Variants in ZNF234 observed in about 807,000 individuals in gnomAD.
The protein encoded by ZNF234 is zinc finger protein 234.
ZNF234 carries 4 observed loss-of-function variants against 10.3 expected under a neutral mutation model. The observed-to-expected ratio is 0.39, with a 90% CI of 0.19 to 0.89. ZNF234 has a LOEUF of 0.89. Ranked by LOEUF, ZNF234 falls within the 40% of genes least tolerant of loss-of-function variation. The probability of loss-of-function intolerance (pLI) is 0.38; values close to 1 mark genes in which losing one functional copy is unlikely to be tolerated. For missense variants in ZNF234, 711 were observed against 836.1 expected, an observed-to-expected ratio of 0.85 and a Z score of 1.85; for synonymous variants, 258 against 280.1, an observed-to-expected ratio of 0.92 and a Z score of 0.79.
At chr19:44,147,430 G>A (rs1199938459) in intron 3 of ZNF234, among the ~76,000 whole-genome samples, 1 of 151,634 alleles carries the variant, frequency 6.6e-6, no homozygotes, top group African/African-American at 2.4e-5. Flanking sequence ...TAGAGACAGG[G>A]TCTCACCATG....
At chr19:44,156,153 C>G in intron 5 of ZNF234, 99 bp from the exon 6 acceptor site, 1 of 1,098,960 alleles carries the variant, frequency 9.1e-7, no homozygotes. Flanking sequence ...CAAACTGGAC[C>G]TTCTCTGGAT....
At chr19:44,149,920 C>G (rs975110963) in intron 4 of ZNF234, 1 of 152,346 alleles carries the variant, frequency 6.6e-6, no homozygotes, top group Admixed American at 6.5e-5. Flanking sequence ...GCTGACTATA[C>G]AGAGGACAAA....
At position 44,158,157 on chromosome 19, in the gene ZNF234, T is replaced by C. The variant is rs781656523; in HGVS notation, c.*38T>C. The C allele has an allele frequency of 2.0e-5, 32 of 1,585,652 alleles. No individual in the cohort carries two copies. The highest frequency in any genetic ancestry group is 1.4e-4 in the Admixed American group (8 of 57,154). ...AAACAGAACTCATGTACAACCTGAA[T>C]GCTTGTAATTAGATTTCATAGGAGG... On this transcript the variant is annotated 3_prime_UTR_variant, in exon 6 of 6. Transcript: ENST00000426739.
At position 44,157,762 on chromosome 19, in the gene ZNF234, C is replaced by T; in HGVS notation, c.1746C>T (p.Asn582=). ...ECGKGFKWSL[N]LDMHQRVHTG... ...GAAAGGGCTTCAAGTGGAGCTTGAA[C>T]CTTGACATGCATCAGAGGGTGCACA... Residue 582 remains asparagine (N), a synonymous_variant, in exon 6 of 6, where the codon AAC becomes AAT. Transcript: ENST00000426739. 6.2e-7 allele frequency: 1 copy of T among 1,612,624 alleles called. No homozygotes were observed. Among genetic ancestry groups the T allele is most frequent in the Non-Finnish European group, 8.5e-7 (1 of 1,179,660 alleles).
chr19:44,156,362 G>A lies in ZNF234; in HGVS notation c.346G>A (p.Asp116Asn). ...QIASDLIKYEDSMISISRFPR... is the reference protein window; with the variant it reads ...QIASDLIKYENSMISISRFPR... ...TGCAAGTGATTTAATCAAGTATGAA[G>A]ACTCTATGATAAGTATTTCTCGGTT... The change falls in exon 6 of 6, where the codon GAC becomes AAC. Residue 116 changes from aspartate (D) to asparagine (N), a missense_variant. Physicochemically the swap from Asp to Asn is conservative, Grantham distance 23. Coordinates refer to ENST00000426739, the MANE Select transcript of ZNF234 (RefSeq NM_006630.3). The A allele has an allele frequency of 6.2e-7, 1 of 1,613,304 alleles. No individual in the cohort carries two copies. Among genetic ancestry groups the A allele is most frequent in the Non-Finnish European group, 8.5e-7 (1 of 1,179,656 alleles).
intron 5 of ZNF234, among the ~76,000 whole-genome samples, chr19:44,150,801 T>C (rs1968723972): frequency 1.3e-5 from 2 of 152,074 alleles, no homozygotes; most frequent in Admixed American, 1.3e-4. Context: ...ATCCAGCACT[T>C]TGGGGGCCAA....
At chr19:44,150,579 C>A in intron 5 of ZNF234, 74 bp downstream of exon 5, 1 of 1,288,406 alleles carries the variant, frequency 7.8e-7, no homozygotes. Context: ...GCTCTTGCTG[C>A]CATCGGGTCC....
rs1237076631 is a variant in ZNF234 at position 44,157,388 on chromosome 19, T to A, written c.1372T>A (p.Cys458Ser). 6.2e-7 allele frequency: 1 copy of A among 1,613,852 alleles called. No individual in the cohort carries two copies. The highest frequency in any genetic ancestry group is 1.3e-5 in the African/African-American group (1 of 74,914). The part of the protein sequence containing the change: ...KAHSVQKPFK[C>S]EECGQGFNQS... ...ACATAGTGTACAGAAACCTTTTAAG[T>A]GTGAAGAGTGTGGGCAGGGCTTCAA... The change falls in exon 6 of 6, where the codon TGT becomes AGT. Residue 458 changes from cysteine to serine, a missense_variant. By Grantham distance (112) the Cys-to-Ser change is moderately radical (BLOSUM62 -1). Transcript: ENST00000426739.
Position 44,158,147 on chromosome 19 carries a change from A to G in ZNF234, c.*28A>G, listed in dbSNP as rs1968958298. The stretch of plus-strand genomic sequence containing the variant: ...AAAAAAAAAAAAACAGAACTCATGT[A>G]CAACCTGAATGCTTGTAATTAGATT... On this transcript the variant is annotated 3_prime_UTR_variant, in exon 6 of 6. Transcript: ENST00000426739. The G allele has an allele frequency of 6.3e-7, 1 of 1,584,038 alleles. No individual in the cohort carries two copies. The highest frequency in any genetic ancestry group is 2.2e-5 in the East Asian group (1 of 44,782).
At chr19:44,154,778 C>T (rs957780610) in intron 5 of ZNF234, among the ~76,000 whole-genome samples, 3 of 151,878 alleles carry the variant, frequency 2.0e-5, no homozygotes, top group African/African-American at 7.3e-5. Flanking sequence ...ACTACGGGTG[C>T]GTGCCACCAC....
chr19:44,158,175 A>G lies in ZNF234; in HGVS notation c.*56A>G, dbSNP rs756158021. The G allele has an allele frequency of 1.7e-5, 26 of 1,571,716 alleles. No individual in the cohort carries two copies. Among genetic ancestry groups the G allele is most frequent in the Non-Finnish European group, 2.3e-5 (26 of 1,154,008 alleles). On this transcript the variant is annotated 3_prime_UTR_variant, in exon 6 of 6. Transcript: ENST00000426739. Reference sequence around the variant, plus strand: ...ACCTGAATGCTTGTAATTAGATTTCATAGGAGGGAAAAATTTTCTTTATCA... The same window carrying G: ...ACCTGAATGCTTGTAATTAGATTTCGTAGGAGGGAAAAATTTTCTTTATCA...
Position 44,156,388 on chromosome 19 carries a change from C to T in ZNF234, c.372C>T (p.Phe124=). 1 of 1,613,254 alleles carries T rather than the reference C, an allele frequency of 6.2e-7. No homozygotes were observed. Among genetic ancestry groups the T allele is most frequent in the Non-Finnish European group, 8.5e-7 (1 of 1,179,644 alleles). The change falls in exon 6 of 6, where the codon TTC becomes TTT. Residue 124 remains phenylalanine (F), a synonymous_variant. Coordinates refer to ENST00000426739, the MANE Select transcript of ZNF234 (RefSeq NM_006630.3). ...ACTCTATGATAAGTATTTCTCGGTTCCCCAGACAAGGTGATTTGTCCTGCC... is the reference window on the plus strand; with the variant it reads ...ACTCTATGATAAGTATTTCTCGGTTTCCCAGACAAGGTGATTTGTCCTGCC... ...YEDSMISISR[F]PRQGDLSCQV...
At chr19:44,153,851 A>G (rs116378809) in intron 5 of ZNF234, among the ~76,000 whole-genome samples, 2 of 152,362 alleles carry the variant, frequency 1.3e-5, no homozygotes, top group African/African-American at 4.8e-5. Flanking sequence ...TTCATTTGAC[A>G]TGCATTTATT....
At chr19:44,146,387 G>A (rs1312595200) in intron 3 of ZNF234, among the ~76,000 whole-genome samples, 1 of 152,132 alleles carries the variant, frequency 6.6e-6, no homozygotes, top group East Asian at 1.9e-4. Flanking sequence ...GATCCCTGAG[G>A]AATCGCCACA....
Position 44,148,851 on chromosome 19 carries a change from G to C in ZNF234, c.96G>C (p.Leu32=). 1 of 1,613,974 alleles carries C rather than the reference G, an allele frequency of 6.2e-7. No individual in the cohort carries two copies. Among genetic ancestry groups the C allele is most frequent in the East Asian group, 2.2e-5 (1 of 44,866 alleles). Residue 32 remains leucine, a synonymous_variant, in exon 4 of 6, where the codon CTG becomes CTC. Transcript: ENST00000426739. ...TGCTGGACCCTGTCCAGAGGAATCT[G>C]TACCAAGATGTGATGCTGGAGAACT... is the stretch of plus-strand genomic sequence containing the variant. The part of the protein sequence containing the change: ...LGLLDPVQRN[L]YQDVMLENFR...
Position 44,141,985 on chromosome 19 carries a change from A to G in ZNF234, c.-131+252A>G, listed in dbSNP as rs562377370. ...GGGCCTCTCCTTGCTGTTCTTTAAAATGGGGACGTTAGGACCATCTTTGTA... is the reference window on the plus strand; with the variant it reads ...GGGCCTCTCCTTGCTGTTCTTTAAAGTGGGGACGTTAGGACCATCTTTGTA... On this transcript the variant is annotated intron_variant, in intron 1 of 5. Coordinates refer to ENST00000426739, the MANE Select transcript of ZNF234 (RefSeq NM_006630.3). The surrounding 1 kb of genome is among the most constrained non-coding windows in gnomAD (Gnocchi z 4.6). 1 of 152,352 alleles carries G rather than the reference A, an allele frequency of 6.6e-6. No homozygotes were observed. The highest frequency in any genetic ancestry group is 1.5e-5 in the Non-Finnish European group (1 of 68,138). The allele number at this position is 152,352 out of a possible 1,614,324, so 9.4% of individuals were successfully genotyped here.
At chr19:44,152,551 A>G (rs1014521899) in intron 5 of ZNF234, among the ~76,000 whole-genome samples, 1 of 152,168 alleles carries the variant, frequency 6.6e-6, no homozygotes, top group Admixed American at 6.5e-5. Flanking sequence ...GAAAACTTAC[A>G]AGCATCGTGG....
intron 2 of ZNF234, among the ~76,000 whole-genome samples, chr19:44,143,616 GAA>G (rs61062157): frequency 1.3e-3 from 147 of 111,918 alleles, no homozygotes; most frequent in African/African-American, 3.8e-3. Context: ...CTCAGAAAAA[GAA>G]AAAAAAAAAA....
chr19:44,148,781 C>A lies in ZNF234; in HGVS notation c.26C>A (p.Thr9Asn), dbSNP rs772348773. The change falls in exon 4 of 6, where the codon ACC becomes AAC. Residue 9 changes from threonine (T) to asparagine (N), a missense_variant. By Grantham distance (65) the Thr-to-Asn change is moderately conservative. Coordinates refer to ENST00000426739, the MANE Select transcript of ZNF234 (RefSeq NM_006630.3). MTTFKEGL[T>N]FKDVAVVFTE... is the part of the protein sequence containing the mutation. ...TGTTTGATGTTATAGGAGGGACTGA[C>A]CTTCAAGGATGTGGCTGTGGTCTTC... 268 of 1,613,690 alleles carry A rather than the reference C, an allele frequency of 1.7e-4. No individual in the cohort carries two copies. Among genetic ancestry groups the A allele is most frequent in the Non-Finnish European group, 2.1e-4 (247 of 1,179,826 alleles).
Sources: allele counts gnomAD v4.1 joint callset (sites outside exome capture counted in the v4.1 genomes callset), GRCh38; gene constraint gnomAD v4.1.1; non-coding constraint Gnocchi (gnomAD v3.1); transcripts MANE v1.5; gene names NCBI Gene and HGNC (gene_info 2026-07-23, HGNC 2026-07-21).